Variants in MNS1 observed in about 807,000 individuals in gnomAD.
The protein encoded by MNS1 is meiosis specific nuclear structural 1.
In MNS1, 63 loss-of-function variants were observed where a neutral mutation model predicts 72.0. That is an observed-to-expected ratio of 0.87 (90% CI 0.71 to 1.08). MNS1 has a LOEUF of 1.08. Ranked by LOEUF, MNS1 falls within the 50% of genes least tolerant of loss-of-function variation. MNS1 has a pLI of 0.00. For missense variants in MNS1, 604 were observed against 562.4 expected, an observed-to-expected ratio of 1.07 and a Z score of -0.75; for synonymous variants, 188 against 172.1, an observed-to-expected ratio of 1.09 and a Z score of -0.72.
intron 7 of MNS1, 37 bp downstream of exon 7, chr15:56,443,393 C>T (rs2050851610): frequency 7.0e-7 from 1 of 1,425,656 alleles, no homozygotes. Flanking sequence ...TTATATTCTT[C>T]TCTACATTAA....
chr15:56,460,009 A>AAAAATATATATATATATATATATAT, intron 2 of MNS1, among the ~76,000 whole-genome samples: 6 of 26,386 alleles, frequency 2.3e-4, no homozygotes, highest in Non-Finnish European at 2.8e-4. Context: ...AAAAAAAAAA[A>AAAAATATATATATATATATATATAT]ATACATATAT....
chr15:56,439,271 T>A (rs2050779787), intron 7 of MNS1, among the ~76,000 whole-genome samples: 1 of 152,014 alleles, frequency 6.6e-6, no homozygotes, highest in African/African-American at 2.4e-5. Context: ...AATTCAAAGA[T>A]CTAAATAAAG....
At position 56,443,435 on chromosome 15, in the gene MNS1, G is replaced by T; in HGVS notation, c.1006C>A (p.Leu336Ile). The change falls in exon 7 of 10, where the codon CTA (leucine) becomes ATA (isoleucine). Residue 336 changes from leucine to isoleucine, a missense_variant. By Grantham distance (5) the Leu-to-Ile change is conservative. Coordinates refer to ENST00000260453, the MANE Select transcript of MNS1 (RefSeq NM_018365.4). ...EEQAEIYKSK[L>I]KEEAEKKLRK... ...TTTCCATTTCTGAAACTTACTTTTA[G>T]CTTGCTCTTATATATTTCAGCTTGT... 1.9e-6 allele frequency: 3 copies of T among 1,559,374 alleles called. No homozygotes were observed. The highest frequency in any genetic ancestry group is 2.3e-5 in the East Asian group (1 of 44,048).
At chr15:56,459,005 A>G (rs1245128500) in intron 2 of MNS1, among the ~76,000 whole-genome samples, 1 of 152,242 alleles carries the variant, frequency 6.6e-6, no homozygotes. Flanking sequence ...CACACTATAT[A>G]TAGCACATCT....
chr15:56,462,790 T>C (rs1447683072), intron 2 of MNS1, among the ~76,000 whole-genome samples: 2 of 152,238 alleles, frequency 1.3e-5, no homozygotes, highest in African/African-American at 4.8e-5. Flanking sequence ...ATGGGTGAGA[T>C]AATAGTATTA....
chr15:56,447,117 AG>A (rs1391576478), intron 3 of MNS1, 174 bp from the exon 4 acceptor site: 4 of 534,320 alleles, frequency 7.5e-6, no homozygotes, highest in Non-Finnish European at 1.3e-5. Context: ...TTAGGGCATT[AG>A]GGCTTACATT....
chr15:56,429,149 C>A lies in MNS1; in HGVS notation c.1440G>T (p.Glu480Asp). Residue 480 changes from glutamate (E) to aspartate (D), a missense_variant, in exon 10 of 10, where the codon GAG (glutamate) becomes GAT (aspartate). Transcript: ENST00000260453. The stretch of plus-strand genomic sequence containing the variant: ...TCCTTTGTTGATATACTTTCCTGAA[C>A]TCTTCACCAAGCAGATCAATATCAT... ...KEDDIDLLGE[E>D]FRKVYQQRSE... 2 of 1,602,846 alleles carry A rather than the reference C, an allele frequency of 1.2e-6. No homozygotes were observed.
chr15:56,448,806 T>G (rs190023513), intron 3 of MNS1, among the ~76,000 whole-genome samples: 1 of 147,328 alleles, frequency 6.8e-6, no homozygotes, highest in Non-Finnish European at 1.5e-5. Flanking sequence ...CAGGCTGGAG[T>G]GCAGTGGTGT....
At chr15:56,438,003 A>G (rs1354225514) in intron 7 of MNS1, among the ~76,000 whole-genome samples, 1 of 152,152 alleles carries the variant, frequency 6.6e-6, no homozygotes, top group Non-Finnish European at 1.5e-5. Context: ...ATGCTCATGG[A>G]TAGGAAGAAT....
At position 56,444,546 on chromosome 15, in the gene MNS1, A is replaced by G. The variant is rs574496323; in HGVS notation, c.584T>C (p.Leu195Pro). 3 of 1,612,222 alleles carry G rather than the reference A, an allele frequency of 1.9e-6. No homozygotes were observed. The highest frequency in any genetic ancestry group is 2.7e-5 in the African/African-American group (2 of 74,796). Reference sequence around the variant, plus strand: ...CTGCTTTTTTTTTTCTTGTTCTTCAAGTTGTTTCTCTAAGTCAAGATAGTA... The same window carrying G: ...CTGCTTTTTTTTTTCTTGTTCTTCAGGTTGTTTCTCTAAGTCAAGATAGTA... ...AQYYLDLEKQ[L>P]EEQEKKKQEA... The change falls in exon 5 of 10, where the codon CTT becomes CCT. Residue 195 changes from leucine to proline, a missense_variant. Transcript: ENST00000260453.
At chr15:56,434,920 T>C (rs1700915503) in intron 7 of MNS1, among the ~76,000 whole-genome samples, 1 of 152,136 alleles carries the variant, frequency 6.6e-6, no homozygotes, top group African/African-American at 2.4e-5. Flanking sequence ...TCAGTACTTC[T>C]TTAGGGAAAT....
intron 7 of MNS1, among the ~76,000 whole-genome samples, chr15:56,438,843 C>A (rs1311351314): frequency 1.3e-5 from 2 of 152,106 alleles, no homozygotes; most frequent in African/African-American, 4.8e-5. Flanking sequence ...TATGAATAGA[C>A]ACTTCTCAAA....
rs2050593159 is a variant in MNS1 at position 56,431,444 on chromosome 15, CATT to C, written c.1321_1323del (p.Asn441del). 2 of 1,613,518 alleles carry C rather than the reference CATT, an allele frequency of 1.2e-6. No homozygotes were observed. Among genetic ancestry groups the C allele is most frequent in the African/African-American group, 2.7e-5 (2 of 74,868 alleles). The stretch of plus-strand genomic sequence containing the variant: ...TTTAGCCTTTCTTCTTCAATAATTG[CATT>C]AATAAATCCTTGCCGCCTTTGCTGC... On this transcript the variant is annotated inframe_deletion, in exon 9 of 10. Transcript: ENST00000260453.
rs141122218 is a variant in MNS1 at position 56,429,558 on chromosome 15, G to T, written c.1396-365C>A. 3.4e-3 allele frequency: 534 copies of T among 156,322 alleles called. 3 individuals carry two copies. Among genetic ancestry groups the T allele is most frequent in the African/African-American group, 0.012 (506 of 41,632 alleles). The allele number at this position is 156,322 out of a possible 1,614,324, so 9.7% of individuals were successfully genotyped here. A position where few individuals can be genotyped will look rare whatever the true frequency, so the allele number is the denominator to read the frequency against. ...TAATATGATATAATGGTGAGCTTCA[G>T]TAGATTCATGCATGGGATTAGTTCT... On this transcript the variant is annotated intron_variant, in intron 9 of 9. Coordinates refer to ENST00000260453, the MANE Select transcript of MNS1 (RefSeq NM_018365.4).
chr15:56,444,626 T>A lies in MNS1; in HGVS notation c.504A>T (p.Arg168Ser). ...IAKTMMEEHK[R>S]IIKEENAAED... is the part of the protein sequence containing the mutation. The stretch of plus-strand genomic sequence containing the variant: ...CTGCAGCATTCTCTTCCTTTATTAT[T>A]CTCTTGTGTTCTTCCATCATGGTTT... Residue 168 changes from arginine (R) to serine (S), a missense_variant, in exon 5 of 10, where the codon AGA becomes AGT. Transcript: ENST00000260453. The A allele has an allele frequency of 6.2e-7, 1 of 1,613,332 alleles. No individual in the cohort carries two copies. The highest frequency in any genetic ancestry group is 8.5e-7 in the Non-Finnish European group (1 of 1,179,612).
chr15:56,448,500 T>TA (rs1156670645), intron 3 of MNS1, among the ~76,000 whole-genome samples: 1 of 152,208 alleles, frequency 6.6e-6, no homozygotes, highest in Non-Finnish European at 1.5e-5. Flanking sequence ...GGTTTTCTGT[T>TA]ACTGCGTTAA....
At chr15:56,432,553 A>T (rs1310759763) in intron 8 of MNS1, among the ~76,000 whole-genome samples, 1 of 152,226 alleles carries the variant, frequency 6.6e-6, no homozygotes, top group South Asian at 2.1e-4. Flanking sequence ...GGACAAAACT[A>T]AGCCGACAGC....
chr15:56,444,608 A>G lies in MNS1; in HGVS notation c.522T>C (p.Asn174=). 3 of 1,613,068 alleles carry G rather than the reference A, an allele frequency of 1.9e-6. No homozygotes were observed. The highest frequency in any genetic ancestry group is 2.5e-6 in the Non-Finnish European group (3 of 1,179,542). Residue 174 remains asparagine (N), a synonymous_variant, in exon 5 of 10, where the codon AAT becomes AAC. Transcript: ENST00000260453. ...EEHKRIIKEE[N]AAEDKRNKAK... Reference sequence around the variant, plus strand: ...CTTTGTTTCGTTTGTCTTCTGCAGCATTCTCTTCCTTTATTATTCTCTTGT... The same window carrying G: ...CTTTGTTTCGTTTGTCTTCTGCAGCGTTCTCTTCCTTTATTATTCTCTTGT...
chr15:56,440,694 A>AT (rs2050802195), intron 7 of MNS1, among the ~76,000 whole-genome samples: 1 of 152,184 alleles, frequency 6.6e-6, no homozygotes, highest in South Asian at 2.1e-4. Flanking sequence ...ATTATGCTGA[A>AT]TAAAAAAAAG....
Sources: allele counts gnomAD v4.1 joint callset (sites outside exome capture counted in the v4.1 genomes callset), GRCh38; gene constraint gnomAD v4.1.1; transcripts MANE v1.5; gene names NCBI Gene and HGNC (gene_info 2026-07-23, HGNC 2026-07-21).